Variants in PRKCE observed in about 807,000 individuals in gnomAD.
PRKCE encodes the protein protein kinase C epsilon.
Under a neutral mutation model 85.4 loss-of-function variants are expected in PRKCE, and 16 were observed. That is an observed-to-expected ratio of 0.19 (90% CI 0.13 to 0.28). The LOEUF (loss-of-function observed/expected upper bound fraction) is 0.28. Among genes scored for constraint, PRKCE ranks in the 10% least tolerant of loss-of-function variants. The probability of loss-of-function intolerance (pLI) is 1.00; values close to 1 mark genes in which losing one functional copy is unlikely to be tolerated. For missense variants in PRKCE, 573 were observed against 975.2 expected (o/e 0.59, Z 5.49); for synonymous variants, 388 against 371.5 (o/e 1.04, Z -0.51).
chr2:45,762,840 G>C (rs575409153), intron 1 of PRKCE, among the ~76,000 whole-genome samples: 1 of 152,318 alleles, frequency 6.6e-6, no homozygotes, highest in South Asian at 2.1e-4. Context: ...CTTCTGTGCT[G>C]TTGGGGGCCC....
intron 1 of PRKCE, among the ~76,000 whole-genome samples, chr2:45,660,544 A>AG (rs1216067808): frequency 1.3e-5 from 2 of 152,016 alleles, no homozygotes; most frequent in Non-Finnish European, 2.9e-5. Flanking sequence ...TAGATACAAA[A>AG]CCCTTTGTAG....
chr2:46,168,669 T>TTGA, intron 14 of PRKCE, among the ~76,000 whole-genome samples: 1 of 152,298 alleles, frequency 6.6e-6, no homozygotes, highest in African/African-American at 2.4e-5. Flanking sequence ...TGCAAAATAC[T>TTGA]TAAGGGATAA....
intron 2 of PRKCE, among the ~76,000 whole-genome samples, chr2:45,894,664 C>T (rs1434325415): frequency 6.6e-6 from 1 of 152,074 alleles, no homozygotes; most frequent in African/African-American, 2.4e-5. Flanking sequence ...CACACACACA[C>T]AGTAGTTCCC....
chr2:46,018,608 T>C (rs1245204438), intron 10 of PRKCE, among the ~76,000 whole-genome samples: 4 of 152,248 alleles, frequency 2.6e-5, no homozygotes, highest in African/African-American at 9.6e-5. Context: ...TATTTATTAA[T>C]TGTAGAAATT....
At chr2:45,862,183 TACACACACACACACACACACACACAC>T (rs6146747) in intron 2 of PRKCE, among the ~76,000 whole-genome samples, 6 of 143,924 alleles carry the variant, frequency 4.2e-5, no homozygotes, top group African/African-American at 1.6e-4. Flanking sequence ...TCTTCTTGTA[TACACACACACACACACACACACACAC>T]ACACACACAC....
At chr2:46,154,459 C>G (rs1322001942) in intron 13 of PRKCE, among the ~76,000 whole-genome samples, 1 of 136,576 alleles carries the variant, frequency 7.3e-6, no homozygotes, top group Non-Finnish European at 1.6e-5. Flanking sequence ...CCCGCCCCAC[C>G]CCCCCCAACC....
intron 2 of PRKCE, among the ~76,000 whole-genome samples, chr2:45,880,002 A>C (rs1034498566): frequency 6.6e-6 from 1 of 151,762 alleles, no homozygotes; most frequent in Non-Finnish European, 1.5e-5. Flanking sequence ...TCCTTTAACA[A>C]ATCTCTTCCA....
intron 10 of PRKCE, among the ~76,000 whole-genome samples, chr2:46,057,620 C>A (rs1433282317): frequency 6.6e-6 from 1 of 151,900 alleles, no homozygotes; most frequent in Non-Finnish European, 1.5e-5. Flanking sequence ...TTTTAGTAGA[C>A]ACGGGGTTTC....
chr2:45,678,345 G>A (rs57038255), intron 1 of PRKCE, among the ~76,000 whole-genome samples: 1,757 of 152,270 alleles, frequency 0.012, 33 homozygotes, highest in African/African-American at 0.04. Flanking sequence ...ATTTGTTACT[G>A]GTTGTGATAT....
intron 1 of PRKCE, among the ~76,000 whole-genome samples, chr2:45,706,323 A>G (rs1320330239): frequency 6.6e-6 from 1 of 152,210 alleles, no homozygotes; most frequent in African/African-American, 2.4e-5. Context: ...TCCTTCCACC[A>G]GAGGAAATGA....
chr2:45,932,150 T>C lies in PRKCE; in HGVS notation c.413-44279T>C, dbSNP rs540105037. Reference sequence around the variant, plus strand: ...TGACTCTCAAGAACGTGGAATAGTTTTACTTGGTTTTGAACTCTACATGGA... The same window carrying C: ...TGACTCTCAAGAACGTGGAATAGTTCTACTTGGTTTTGAACTCTACATGGA... On this transcript the variant is annotated intron_variant, in intron 2 of 14. Transcript: ENST00000306156. 2.0e-5 allele frequency among the ~76,000 whole-genome samples: 3 copies of C among 152,346 alleles called. No individual in the cohort carries two copies. The South Asian group carries it at 6.2e-4, about 32-fold the overall frequency.
intron 10 of PRKCE, chr2:46,078,006 T>A (rs1668707375): frequency 6.6e-6 from 1 of 152,324 alleles, no homozygotes; most frequent in Non-Finnish European, 1.5e-5. Context: ...TAAATTTGAT[T>A]TGGTGAAGTT....
intron 1 of PRKCE, among the ~76,000 whole-genome samples, chr2:45,717,723 CT>C (rs1397272428): frequency 1.9e-4 from 29 of 152,306 alleles, no homozygotes; most frequent in Admixed American, 1.9e-3. Flanking sequence ...TTGGGGACTC[CT>C]GAGGGTCCCT....
Position 46,159,795 on chromosome 2 carries a change from C to T in PRKCE, c.2067+43C>T, listed in dbSNP as rs2104579849. On this transcript the variant is annotated intron_variant, in intron 14 of 14. Coordinates refer to ENST00000306156, the MANE Select transcript of PRKCE (RefSeq NM_005400.3). The surrounding 1 kb of genome is among the most constrained non-coding windows in gnomAD (Gnocchi z 4.1). ...CACGTTCAGCACCATGGGTCGGGCC[C>T]AGGTACTTGCAGGACAGGCTGCGTG... The T allele has an allele frequency of 6.3e-7, 1 of 1,593,666 alleles. No homozygotes were observed. Among genetic ancestry groups the T allele is most frequent in the Non-Finnish European group, 8.5e-7 (1 of 1,177,746 alleles).
intron 1 of PRKCE, among the ~76,000 whole-genome samples, chr2:45,752,410 C>A (rs866408715): frequency 2.0e-5 from 3 of 152,304 alleles, no homozygotes; most frequent in South Asian, 2.1e-4. Context: ...GCCTTCCTCC[C>A]TCCTACATCT....
chr2:45,704,291 G>A (rs2104284498), intron 1 of PRKCE, among the ~76,000 whole-genome samples: 1 of 152,308 alleles, frequency 6.6e-6, no homozygotes, highest in South Asian at 2.1e-4. Context: ...CTGGTTTGTA[G>A]ATTGTTCATT....
chr2:46,093,620 C>T (rs2881258), intron 11 of PRKCE, among the ~76,000 whole-genome samples: 80,407 of 150,988 alleles, frequency 0.53, 23,422 homozygotes, highest in East Asian at 0.83. Flanking sequence ...CCTGGAACTC[C>T]TGGATTTGAG....
intron 11 of PRKCE, among the ~76,000 whole-genome samples, chr2:46,130,753 G>C (rs1373550625): frequency 1.3e-5 from 2 of 152,176 alleles, no homozygotes; most frequent in Non-Finnish European, 2.9e-5. Context: ...CCCACACGTA[G>C]CTTCATTAGA....
In PRKCE at chr2:46,139,374, G is replaced by A. The variant is rs890012391; in HGVS notation, c.1593-5719G>A. 1.3e-5 allele frequency among the ~76,000 whole-genome samples: 2 copies of A among 152,158 alleles called. No individual in the cohort carries two copies. Among genetic ancestry groups the A allele is most frequent in the African/African-American group, 2.4e-5 (1 of 41,420 alleles). ...CAATACCTAGCCTATACATGTGTGA[G>A]CAGATAGAAGATATAACGGAAGAAA... On this transcript the variant is annotated intron_variant, in intron 11 of 14. Transcript: ENST00000306156. The surrounding 1 kb of genome is among the most constrained non-coding windows in gnomAD (Gnocchi z 5.2).
Sources: gnomAD v4.1 joint callset for allele counts (sites outside exome capture counted in the v4.1 genomes callset) on GRCh38, gnomAD v4.1.1 for gene constraint, Gnocchi (gnomAD v3.1) non-coding constraint, MANE v1.5 for transcripts, NCBI Gene and HGNC (gene_info 2026-07-23, HGNC 2026-07-21) for gene names.